Variants in MINAR1 observed in about 807,000 individuals in gnomAD.
The protein encoded by MINAR1 is major intrinsically disordered Notch2-binding receptor 1.
A neutral mutation model predicts 65.1 loss-of-function variants in MINAR1; 40 were observed. That is an observed-to-expected ratio of 0.61 (90% CI 0.48 to 0.80). The LOEUF (loss-of-function observed/expected upper bound fraction) is 0.80, where lower values mean the gene tolerates loss of function less well. Ranked by LOEUF, MINAR1 falls within the 30% of genes least tolerant of loss-of-function variation. The pLI, the probability that MINAR1 is intolerant of heterozygous loss-of-function variation, is 0.00. For missense variants in MINAR1, 1,128 were observed against 1,148.0 expected (o/e 0.98, Z 0.25); for synonymous variants, 482 against 449.1 (o/e 1.07, Z -0.93).
intron 1 of MINAR1, among the ~76,000 whole-genome samples, chr15:79,439,867 A>G (rs1367699526): frequency 6.6e-6 from 1 of 151,972 alleles, no homozygotes; most frequent in East Asian, 1.9e-4. Flanking sequence ...CAGGAAGGAA[A>G]AAGTATTTGG....
At chr15:79,461,863 T>A (rs1003905546) in intron 2 of MINAR1, among the ~76,000 whole-genome samples, 1 of 151,914 alleles carries the variant, frequency 6.6e-6, no homozygotes, top group Non-Finnish European at 1.5e-5. Context: ...TGCAAGCATA[T>A]GATCCACACA....
At chr15:79,449,693 G>GGGGTCTTAAAGGTCCTACTTC (rs1482464328) in intron 1 of MINAR1, among the ~76,000 whole-genome samples, 4 of 152,180 alleles carry the variant, frequency 2.6e-5, no homozygotes, top group African/African-American at 9.7e-5. Context: ...TTCCTGGGAA[G>GGGGTCTTAAAGGTCCTACTTC]GGGTCTTAAA....
rs138901860 is a variant in MINAR1, at chr15:79,456,441, C to T, written c.294C>T (p.Gly98=). Residue 98 remains glycine (G), a synonymous_variant, in exon 2 of 4, where the codon GGC becomes GGT. Coordinates refer to ENST00000305428, the MANE Select transcript of MINAR1 (RefSeq NM_015206.3). The stretch of plus-strand genomic sequence containing the variant: ...TATTCAACCTGATCCAAATGAATGG[C>T]GGGGCTGCCAAGGAGAAGCTGCCCA... ...VTIFNLIQMN[G]GAAKEKLPTG... 4.2e-5 allele frequency: 68 copies of T among 1,614,040 alleles called. No individual in the cohort carries two copies. The highest frequency in any genetic ancestry group is 5.5e-5 in the South Asian group (5 of 91,088).
the MINAR1 span, chr15:79,415,520 G>A: frequency 6.6e-6 from 1 of 152,166 alleles, no homozygotes; most frequent in South Asian, 2.1e-4. Flanking sequence ...TGCCAAGGGT[G>A]GCTGAATTCT....
chr15:79,468,249 A>G lies in MINAR1; in HGVS notation c.2616A>G (p.Gly872=). The change falls in exon 4 of 4, where the codon GGA becomes GGG. Residue 872 remains glycine, a synonymous_variant. Transcript: ENST00000305428. The part of the protein sequence containing the change: ...EYWMEDIYTP[G]YDSLLKRKEA... ...GGATGGAAGACATTTATACTCCAGG[A>G]TACGATTCATTACTAAAACGTAAAG... The G allele has an allele frequency of 6.2e-7, 1 of 1,614,124 alleles. No homozygotes were observed. Among genetic ancestry groups the G allele is most frequent in the Non-Finnish European group, 8.5e-7 (1 of 1,179,978 alleles).
At position 79,469,245 on chromosome 15, in the gene MINAR1, G is replaced by A. The variant is rs146238668; in HGVS notation, c.*861G>A. The A allele has an allele frequency of 1.1e-3, 172 of 152,788 alleles. 1 individual carries two copies. The highest frequency in any genetic ancestry group is 6.9e-3 in the East Asian group (36 of 5,188). The allele number at this position is 152,788 out of a possible 1,614,324, so 9.5% of individuals were successfully genotyped here. Reference sequence around the variant, plus strand: ...TTTCTATCTCCTGGTGGTACCAGATGCTCTGCCTCTCATACATGAGTTGAA... The same window carrying A: ...TTTCTATCTCCTGGTGGTACCAGATACTCTGCCTCTCATACATGAGTTGAA... On this transcript the variant is annotated 3_prime_UTR_variant, in exon 4 of 4. Coordinates refer to ENST00000305428, the MANE Select transcript of MINAR1 (RefSeq NM_015206.3).
At chr15:79,436,532 G>T (rs999050738) in intron 1 of MINAR1, among the ~76,000 whole-genome samples, 16 of 152,310 alleles carry the variant, frequency 1.1e-4, no homozygotes, top group African/African-American at 3.1e-4. Flanking sequence ...GGACAGAATT[G>T]TCCATTAAAA....
chr15:79,464,372 C>A (rs1416474731), intron 3 of MINAR1, among the ~76,000 whole-genome samples: 2 of 152,238 alleles, frequency 1.3e-5, no homozygotes, highest in Non-Finnish European at 2.9e-5. Context: ...AATCAATCAA[C>A]TTTGCATGGT....
intron 1 of MINAR1, among the ~76,000 whole-genome samples, chr15:79,434,911 T>G (rs766634105): frequency 6.6e-6 from 1 of 152,170 alleles, no homozygotes; most frequent in Non-Finnish European, 1.5e-5. Context: ...TCAGACTAGA[T>G]CATGGATTTG....
chr15:79,444,964 TGAGA>T (rs1017419911), intron 1 of MINAR1, among the ~76,000 whole-genome samples: 1 of 152,084 alleles, frequency 6.6e-6, no homozygotes, highest in Admixed American at 6.5e-5. Context: ...CTCAGTTTCT[TGAGA>T]AAGATATGTT....
rs1335487243 is a variant in MINAR1 at position 79,440,671 on chromosome 15, C to T, written c.-51+8131C>T. On this transcript the variant is annotated intron_variant, in intron 1 of 3. Transcript: ENST00000305428. ...TTGCCTTCCCCTTCCCCCGCTCCTC[C>T]CCACCACCCAGGCAGGCACGTGGTT... 3.9e-5 allele frequency among the ~76,000 whole-genome samples: 6 copies of T among 152,168 alleles called. No individual in the cohort carries two copies. In the East Asian group the frequency reaches 9.6e-4, roughly 24 times the overall value.
intron 1 of MINAR1, among the ~76,000 whole-genome samples, chr15:79,445,335 G>A (rs1894984459): frequency 6.6e-6 from 1 of 151,950 alleles, no homozygotes; most frequent in Non-Finnish European, 1.5e-5. Context: ...TGTGCCCCAG[G>A]GTAATAACTA....
rs200708133 is a variant in MINAR1 at position 79,468,207 on chromosome 15, A to G, written c.2574A>G (p.Pro858=). 50 of 1,613,772 alleles carry G rather than the reference A, an allele frequency of 3.1e-5. No homozygotes were observed. Among genetic ancestry groups the G allele is most frequent in the Non-Finnish European group, 5.1e-6 (6 of 1,179,864 alleles). The change falls in exon 4 of 4, where the codon CCA becomes CCG. Residue 858 remains proline, a synonymous_variant. Transcript: ENST00000305428. ...TTTAGACGCAAGAATCTTTAAACCC[A>G]AATAATTTAGAGTACTGGATGGAAG... is the stretch of plus-strand genomic sequence containing the variant. ...LDLQTQESLN[P]NNLEYWMEDI...
At chr15:79,463,468 T>C in intron 3 of MINAR1, 147 bp downstream of exon 3, 1 of 907,450 alleles carries the variant, frequency 1.1e-6, no homozygotes, top group Non-Finnish European at 1.7e-6. Flanking sequence ...AGAACTTTAA[T>C]AAATCATAGA....
chr15:79,449,595 C>A (rs573082086), intron 1 of MINAR1, among the ~76,000 whole-genome samples: 6 of 152,296 alleles, frequency 3.9e-5, no homozygotes, highest in Admixed American at 1.3e-4. Context: ...TAGGGAGGAG[C>A]CCTTATGGCC....
At chr15:79,414,710 A>G in the MINAR1 span, 1 of 152,238 alleles carries the variant, frequency 6.6e-6, no homozygotes, top group Non-Finnish European at 1.5e-5. Context: ...CCTGAATTTC[A>G]TAAATAATTA....
At chr15:79,416,229 A>C in the MINAR1 span, 1 of 152,260 alleles carries the variant, frequency 6.6e-6, no homozygotes, top group Non-Finnish European at 1.5e-5. Flanking sequence ...CACTATGGAC[A>C]GCTTTCAGAA....
chr15:79,439,931 A>G (rs1306898233), intron 1 of MINAR1, among the ~76,000 whole-genome samples: 2 of 152,132 alleles, frequency 1.3e-5, no homozygotes, highest in Non-Finnish European at 2.9e-5. Context: ...ATGGCCACCA[A>G]AAAGATCCTT....
At chr15:79,428,273 T>TTTCCTTCCTTTCTTCC (rs1894360332), upstream of MINAR1, among the ~76,000 whole-genome samples, 1 of 101,886 alleles carries the variant, frequency 9.8e-6, no homozygotes, top group East Asian at 4.2e-4. Context: ...TCCTTTCTTC[T>TTTCCTTCCTTTCTTCC]CCCTCTCTCC....
Sources: allele counts gnomAD v4.1 joint callset (sites outside exome capture counted in the v4.1 genomes callset), GRCh38; gene constraint gnomAD v4.1.1; transcripts MANE v1.5; gene names NCBI Gene and HGNC (gene_info 2026-07-23, HGNC 2026-07-21).